The following TENM4 variants were observed in gnomAD, a reference collection of about 807,000 sequenced individuals.
TENM4 encodes the protein teneurin-4.
TENM4 carries 82 observed loss-of-function variants against 243.3 expected under a neutral mutation model. The ratio of observed to expected loss-of-function variants is 0.34; its 90% CI spans 0.28 to 0.40. TENM4 has a LOEUF of 0.40. Among genes scored for constraint, TENM4 ranks in the 10% least tolerant of loss-of-function variants. TENM4 has a pLI of 1.00. For synonymous variants in TENM4, 1,412 were observed against 1,456.3 expected (o/e 0.97, Z 0.69); for missense variants, 3,138 against 3,673.3 (o/e 0.85, Z 3.77).
chr11:79,413,089 C>A (rs1858736712), intron 1 of TENM4, among the ~76,000 whole-genome samples: 1 of 152,158 alleles, frequency 6.6e-6, no homozygotes, highest in South Asian at 2.1e-4. Flanking sequence ...AAATAAAAAC[C>A]TATTTATTTA....
intron 6 of TENM4, among the ~76,000 whole-genome samples, chr11:79,049,080 C>G (rs1462140248): frequency 2.0e-5 from 3 of 152,142 alleles, no homozygotes; most frequent in Non-Finnish European, 4.4e-5. Context: ...GAGGTAGAGA[C>G]CACGTCAGGT....
chr11:78,729,674 A>G, intron 21 of TENM4, 31 bp from the exon 22 acceptor site: 1 of 1,569,416 alleles, frequency 6.4e-7, no homozygotes, highest in Non-Finnish European at 8.6e-7. Context: ...ACAGCAAGGG[A>G]CGGTCGTCGA....
intron 32 of TENM4, among the ~76,000 whole-genome samples, chr11:78,665,117 G>C (rs1045117017): frequency 6.6e-6 from 1 of 151,838 alleles, no homozygotes; most frequent in Non-Finnish European, 1.5e-5. Context: ...ATGAAATGTA[G>C]GCAACAATAA....
At chr11:78,911,083 A>T (rs1856173918) in intron 6 of TENM4, among the ~76,000 whole-genome samples, 1 of 152,246 alleles carries the variant, frequency 6.6e-6, no homozygotes, top group Non-Finnish European at 1.5e-5. Flanking sequence ...TGCATTTTAC[A>T]AACAGTGATG....
At chr11:79,008,680 A>AT (rs1005861276) in intron 6 of TENM4, among the ~76,000 whole-genome samples, 18 of 151,580 alleles carry the variant, frequency 1.2e-4, no homozygotes, top group East Asian at 9.7e-4. Context: ...CTGGTTTCTG[A>AT]TTTTTTTTTG....
At chr11:78,939,356 TC>T (rs1480669733) in intron 6 of TENM4, among the ~76,000 whole-genome samples, 7 of 152,234 alleles carry the variant, frequency 4.6e-5, no homozygotes, top group African/African-American at 1.7e-4. Flanking sequence ...TACAGCGTGA[TC>T]TTCTATGCCC....
At chr11:79,000,582 T>G (rs575272607) in intron 6 of TENM4, among the ~76,000 whole-genome samples, 1 of 152,212 alleles carries the variant, frequency 6.6e-6, no homozygotes, top group East Asian at 1.9e-4. Context: ...TAAAATGCAT[T>G]TTGTATTCCC....
chr11:79,077,454 G>A (rs553834136), intron 4 of TENM4, among the ~76,000 whole-genome samples: 1 of 152,300 alleles, frequency 6.6e-6, no homozygotes, highest in African/African-American at 2.4e-5. Context: ...AATTTCTCTT[G>A]CCTACAGTAA....
intron 6 of TENM4, among the ~76,000 whole-genome samples, chr11:78,964,894 C>G (rs1404279697): frequency 6.6e-6 from 1 of 151,644 alleles, no homozygotes. Context: ...TTTTTTTTGA[C>G]AGGGTCTCTG....
intron 18 of TENM4, among the ~76,000 whole-genome samples, chr11:78,762,084 A>C (rs2135968848): frequency 6.6e-6 from 1 of 152,306 alleles, no homozygotes; most frequent in East Asian, 1.9e-4. Context: ...TGTATGACCT[A>C]GTTGGCCATT....
chr11:78,904,437 A>C (rs1434134748), intron 6 of TENM4, among the ~76,000 whole-genome samples: 1 of 151,590 alleles, frequency 6.6e-6, no homozygotes, highest in Non-Finnish European at 1.5e-5. Flanking sequence ...CAGGAAGGGG[A>C]CTGTGGCCTG....
chr11:79,323,705 G>T lies in TENM4; in HGVS notation c.-320-26162C>A, dbSNP rs77528320. Among the ~76,000 whole-genome samples, 486 of 152,224 alleles carry T rather than the reference G, an allele frequency of 3.2e-3. 2 individuals carry two copies. Among genetic ancestry groups the T allele is most frequent in the Middle Eastern group, 6.8e-3 (2 of 294 alleles). The stretch of plus-strand genomic sequence containing the variant: ...ATGTGGGTAGATTTCATCCAACTAG[G>T]ACTTAAAAGACTGAGATTTCCCAAG... On this transcript the variant is annotated intron_variant, in intron 1 of 33. Transcript: ENST00000278550.
chr11:78,899,876 T>C (rs1001421512), intron 7 of TENM4, among the ~76,000 whole-genome samples: 8 of 152,294 alleles, frequency 5.3e-5, no homozygotes, highest in African/African-American at 1.9e-4. Flanking sequence ...TCTTGTAAAG[T>C]CTGCAGAACT....
chr11:78,690,333 T>G (rs1858790137), intron 28 of TENM4, among the ~76,000 whole-genome samples: 1 of 152,242 alleles, frequency 6.6e-6, no homozygotes, highest in African/African-American at 2.4e-5. Context: ...AGGCTGGGAT[T>G]CTTTTTAACC....
At chr11:79,353,848 T>G (rs975182119) in intron 1 of TENM4, among the ~76,000 whole-genome samples, 1 of 152,116 alleles carries the variant, frequency 6.6e-6, no homozygotes, top group Non-Finnish European at 1.5e-5. Context: ...ATTTATGTAG[T>G]TTTATTGGTA....
intron 6 of TENM4, among the ~76,000 whole-genome samples, chr11:79,025,880 T>C (rs1465752951): frequency 6.6e-6 from 1 of 152,202 alleles, no homozygotes; most frequent in East Asian, 1.9e-4. Flanking sequence ...GTGTGTGTGC[T>C]ACGGGGCTGG....
chr11:78,806,210 G>C (rs1857384130), intron 14 of TENM4, among the ~76,000 whole-genome samples: 1 of 152,164 alleles, frequency 6.6e-6, no homozygotes, highest in South Asian at 2.1e-4. Flanking sequence ...GAGGCAGGAA[G>C]ATTGCTTGAG....
intron 6 of TENM4, among the ~76,000 whole-genome samples, chr11:78,996,116 G>A (rs1008572580): frequency 1.3e-5 from 2 of 152,156 alleles, no homozygotes; most frequent in Non-Finnish European, 2.9e-5. Flanking sequence ...AAAGATGGCT[G>A]CAAATTCTTT....
Position 78,854,164 on chromosome 11 carries a change from A to G in TENM4, c.1621T>C (p.Leu541=). The change falls in exon 12 of 34, where the codon TTG becomes CTG. Residue 541 remains leucine (L), a synonymous_variant. Transcript: ENST00000278550. ...IQYLDSGIWH[L]AFYNDGKESE... ...TCCTTTCCGTCATTGTAAAAAGCCA[A>G]GTGCCAGATTCCTGAATCCAAATAC... The G allele has an allele frequency of 6.4e-7, 1 of 1,551,768 alleles. No individual in the cohort carries two copies.
Sources: gnomAD v4.1 joint callset for allele counts (sites outside exome capture counted in the v4.1 genomes callset) on GRCh38, gnomAD v4.1.1 for gene constraint, MANE v1.5 for transcripts, NCBI Gene and HGNC (gene_info 2026-07-23, HGNC 2026-07-21) for gene names.